REC114: variants seen among roughly 807,000 people sequenced by gnomAD.
The protein encoded by REC114 is REC114 meiotic recombination protein.
REC114 carries 27 observed loss-of-function variants against 31.3 expected under a neutral mutation model. That is an observed-to-expected ratio of 0.86 (90% confidence interval 0.64 to 1.19). The LOEUF (loss-of-function observed/expected upper bound fraction) is 1.19. Among genes scored for constraint, REC114 ranks in the 50% most tolerant of loss-of-function variants. REC114 has a pLI of 0.00. For missense variants in REC114, 344 were observed against 326.9 expected (o/e 1.05, Z -0.40); for synonymous variants, 134 against 127.7 (o/e 1.05, Z -0.33).
At chr15:73,505,454 G>A (rs1406890585) in intron 2 of REC114, among the ~76,000 whole-genome samples, 2 of 151,950 alleles carry the variant, frequency 1.3e-5, no homozygotes, top group African/African-American at 4.8e-5. Context: ...AGCTAGTTAG[G>A]ATGCTTTTCT....
In REC114 at chr15:73,559,817, A is replaced by C; in HGVS notation, c.702A>C (p.Leu234Phe). 2.5e-6 allele frequency: 4 copies of C among 1,613,016 alleles called. No homozygotes were observed. Among genetic ancestry groups the C allele is most frequent in the Non-Finnish European group, 3.4e-6 (4 of 1,179,518 alleles). ...AATCTGCATGGGGTGCAGAAGAGTTAGGCCCCTTCCTACGTTTGTGCCTTA... is the reference window on the plus strand; with the variant it reads ...AATCTGCATGGGGTGCAGAAGAGTTCGGCCCCTTCCTACGTTTGTGCCTTA... ...YEQSAWGAEE[L>F]GPFLRLCLMD... The change falls in exon 6 of 6, where the codon TTA becomes TTC. Residue 234 changes from leucine to phenylalanine, a missense_variant. Leu to Phe is a conservative substitution (Grantham distance 22). Transcript: ENST00000331090.
intron 1 of REC114, among the ~76,000 whole-genome samples, chr15:73,460,884 T>G (rs953308828): frequency 6.6e-6 from 1 of 152,106 alleles, no homozygotes; most frequent in Non-Finnish European, 1.5e-5. Flanking sequence ...TGATAATTCT[T>G]CTGTTACATG....
At chr15:73,474,052 G>A (rs978916387) in intron 2 of REC114, 131 bp downstream of exon 2, 11 of 678,422 alleles carry the variant, frequency 1.6e-5, no homozygotes, top group African/African-American at 3.7e-5. Context: ...AGCATTTATC[G>A]AATGTGCCAT....
chr15:73,443,447 A>T (rs1464689469), intron 1 of REC114, 103 bp downstream of exon 1: 1 of 1,311,306 alleles, frequency 7.6e-7, no homozygotes, highest in African/African-American at 1.5e-5. Flanking sequence ...TGCCGAGGGG[A>T]CACCGAGTGA....
At chr15:73,520,119 A>G (rs560754045) in intron 2 of REC114, among the ~76,000 whole-genome samples, 3 of 152,340 alleles carry the variant, frequency 2.0e-5, no homozygotes, top group South Asian at 4.1e-4. Flanking sequence ...ATAGTTTTAT[A>G]TGTGTATCTT....
chr15:73,484,714 A>C (rs1372599678), intron 2 of REC114, among the ~76,000 whole-genome samples: 1 of 152,122 alleles, frequency 6.6e-6, no homozygotes, highest in Admixed American at 6.5e-5. Context: ...TTTTTATCTC[A>C]GTTGGCTTTG....
rs1022044809 is a variant in REC114, at chr15:73,534,449, C to T, written c.250-6036C>T. On this transcript the variant is annotated intron_variant, in intron 2 of 5. Coordinates refer to ENST00000331090, the MANE Select transcript of REC114 (RefSeq NM_001042367.2). ...ATCTACAAGAAATGGATAAATTCCT[C>T]GACACATACACTCTCCCAAGACTAA... 4.3e-4 allele frequency among the ~76,000 whole-genome samples: 65 copies of T among 152,256 alleles called. 1 individual carries two copies. Among genetic ancestry groups the T allele is most frequent in the Non-Finnish European group, 4.7e-4 (32 of 68,010 alleles).
rs779939512 is a variant in REC114 at position 73,559,787 on chromosome 15, T to C, written c.672T>C (p.Tyr224=). The change falls in exon 6 of 6, where the codon TAT becomes TAC. Residue 224 remains tyrosine (Y), a synonymous_variant. Coordinates refer to ENST00000331090, the MANE Select transcript of REC114 (RefSeq NM_001042367.2). ...CATCGGAGGAGCTGCCCCATGTCTA[T>C]GAACAATCTGCATGGGGTGCAGAAG... is the stretch of plus-strand genomic sequence containing the variant. ...LLASEELPHV[Y]EQSAWGAEEL... 6 of 1,608,236 alleles carry C rather than the reference T, an allele frequency of 3.7e-6. No individual in the cohort carries two copies. Among genetic ancestry groups the C allele is most frequent in the Non-Finnish European group, 4.2e-6 (5 of 1,178,268 alleles).
At chr15:73,447,705 A>G (rs972769425) in intron 1 of REC114, among the ~76,000 whole-genome samples, 2 of 152,082 alleles carry the variant, frequency 1.3e-5, no homozygotes, top group African/African-American at 4.8e-5. Flanking sequence ...ATACAACAAG[A>G]TAGCCGAATA....
chr15:73,467,224 T>TACTC (rs1893074146), intron 1 of REC114, among the ~76,000 whole-genome samples: 1 of 152,234 alleles, frequency 6.6e-6, no homozygotes, highest in South Asian at 2.1e-4. Flanking sequence ...ACCAACAAAA[T>TACTC]GTTTTTTTCA....
intron 1 of REC114, among the ~76,000 whole-genome samples, chr15:73,466,618 T>A (rs532677594): frequency 2.0e-4 from 30 of 152,338 alleles, no homozygotes; most frequent in African/African-American, 6.7e-4. Context: ...ACGCAACTAT[T>A]AATAAAATTG....
At chr15:73,494,041 T>C (rs1380413500) in intron 2 of REC114, among the ~76,000 whole-genome samples, 3 of 152,146 alleles carry the variant, frequency 2.0e-5, no homozygotes, top group Admixed American at 2.0e-4. Flanking sequence ...TCTCTCTGAG[T>C]CACAGAACTC....
At chr15:73,453,816 G>T (rs1892882909) in intron 1 of REC114, among the ~76,000 whole-genome samples, 1 of 152,146 alleles carries the variant, frequency 6.6e-6, no homozygotes, top group Admixed American at 6.5e-5. Flanking sequence ...CATGTCCTTT[G>T]CAGGGACATG....
At chr15:73,487,085 G>A (rs1893381467) in intron 2 of REC114, among the ~76,000 whole-genome samples, 2 of 151,894 alleles carry the variant, frequency 1.3e-5, no homozygotes, top group Admixed American at 6.6e-5. Context: ...ATTTATGAGG[G>A]CCCTGCCCTC....
chr15:73,480,968 G>T (rs1319900606), intron 2 of REC114, among the ~76,000 whole-genome samples: 1 of 152,164 alleles, frequency 6.6e-6, no homozygotes, highest in African/African-American at 2.4e-5. Flanking sequence ...CACCGCACCT[G>T]GCCTTAGAAC....
intron 2 of REC114, among the ~76,000 whole-genome samples, chr15:73,525,989 T>C (rs1894001242): frequency 6.6e-6 from 1 of 152,200 alleles, no homozygotes; most frequent in Admixed American, 6.5e-5. Context: ...CAGTTTTTGC[T>C]TCATGTATTT....
At chr15:73,523,696 A>C (rs2141321233) in intron 2 of REC114, among the ~76,000 whole-genome samples, 1 of 152,178 alleles carries the variant, frequency 6.6e-6, no homozygotes, top group Admixed American at 6.5e-5. Context: ...TGATACTTTA[A>C]ATTTTATGAA....
chr15:73,463,463 G>A (rs1893016983), intron 1 of REC114, among the ~76,000 whole-genome samples: 1 of 152,090 alleles, frequency 6.6e-6, no homozygotes. Context: ...GAGGTTACCC[G>A]GTGGTTGGTT....
rs1001145041 is a variant in REC114, at chr15:73,551,987, T to C, written c.546+837T>C. On this transcript the variant is annotated intron_variant, in intron 4 of 5. Coordinates refer to ENST00000331090, the MANE Select transcript of REC114 (RefSeq NM_001042367.2). ...GTTTATAAGTAATTACCTGATGAAA[T>C]GTGTCAATATTTGAAAGACAGTATA... Among the ~76,000 whole-genome samples, 12 of 152,312 alleles carry C rather than the reference T, an allele frequency of 7.9e-5. No individual in the cohort carries two copies. In the East Asian group the frequency reaches 2.3e-3, roughly 29 times the overall value.
Sources: gnomAD v4.1 joint callset for allele counts (sites outside exome capture counted in the v4.1 genomes callset) on GRCh38, gnomAD v4.1.1 for gene constraint, MANE v1.5 for transcripts, NCBI Gene and HGNC (gene_info 2026-07-23, HGNC 2026-07-21) for gene names.